Variants in ACTG2 observed in about 807,000 individuals in gnomAD.
ACTG2 encodes the protein actin, gamma-enteric smooth muscle.
In ACTG2, 16 loss-of-function variants were observed where a neutral mutation model predicts 37.6. That is an observed-to-expected ratio of 0.43 (90% CI 0.29 to 0.65). The LOEUF is 0.65. Among genes scored for constraint, ACTG2 ranks in the 30% least tolerant of loss-of-function variants. The pLI, the probability that ACTG2 is intolerant of heterozygous loss-of-function variation, is 0.18. For synonymous variants in ACTG2, 181 were observed against 179.9 expected (o/e 1.01, Z -0.05); for missense variants, 238 against 490.9 (o/e 0.48, Z 4.87).
intron 3 of ACTG2, among the ~76,000 whole-genome samples, chr2:73,906,701 C>T (rs1422051279): frequency 6.6e-6 from 1 of 152,084 alleles, no homozygotes; most frequent in Non-Finnish European, 1.5e-5. Context: ...TGGTCTCCAA[C>T]CCCTGGGCTC....
chr2:73,910,224 G>GTATATATA (rs141216749), intron 5 of ACTG2, among the ~76,000 whole-genome samples: 4 of 149,294 alleles, frequency 2.7e-5, no homozygotes, highest in African/African-American at 7.3e-5. Context: ...CAAAAAATAT[G>GTATATATA]TATATATATA....
intron 3 of ACTG2, among the ~76,000 whole-genome samples, chr2:73,907,846 T>C (rs1680046045): frequency 6.6e-6 from 1 of 152,144 alleles, no homozygotes; most frequent in South Asian, 2.1e-4. Flanking sequence ...AACAAAGAAT[T>C]ATCCAACCTA....
chr2:73,919,490 C>T lies in ACTG2; in HGVS notation c.1046C>T (p.Ser349Phe), dbSNP rs1319306519. The T allele has an allele frequency of 6.2e-7, 1 of 1,614,174 alleles. No individual in the cohort carries two copies. Among genetic ancestry groups the T allele is most frequent in the Non-Finnish European group, 8.5e-7 (1 of 1,180,028 alleles). ...TGGATCGGGGGCTCTATCCTGGCCT[C>T]TCTCTCCACCTTCCAGCAGATGTGG... Reference protein sequence around the residue: ...SVWIGGSILASLSTFQQMWIS... With the variant: ...SVWIGGSILAFLSTFQQMWIS... Residue 349 changes from serine (S) to phenylalanine (F), a missense_variant, in exon 9 of 9, where the codon TCT becomes TTT. Ser to Phe is a radical substitution (Grantham distance 155). Transcript: ENST00000345517.
intron 5 of ACTG2, among the ~76,000 whole-genome samples, chr2:73,911,744 T>C (rs1680144777): frequency 6.6e-6 from 1 of 152,168 alleles, no homozygotes; most frequent in Non-Finnish European, 1.5e-5. Context: ...GGCACCACCA[T>C]TGTGTATGTG....
At chr2:73,909,707 T>C (rs925367484) in intron 5 of ACTG2, among the ~76,000 whole-genome samples, 2 of 152,202 alleles carry the variant, frequency 1.3e-5, no homozygotes, top group Non-Finnish European at 2.9e-5. Flanking sequence ...GCTAAACATA[T>C]TGAAACATAG....
chr2:73,902,214 C>A, intron 2 of ACTG2, 146 bp from the exon 3 acceptor site: 1 of 904,850 alleles, frequency 1.1e-6, no homozygotes, highest in Non-Finnish European at 1.7e-6. Context: ...GGCATCTGCT[C>A]CATCCTGTCT....
intron 1 of ACTG2, among the ~76,000 whole-genome samples, chr2:73,895,503 G>A (rs561674696): frequency 1.5e-4 from 23 of 152,170 alleles, no homozygotes; most frequent in Non-Finnish European, 2.4e-4. Flanking sequence ...TTGTATATAC[G>A]TGTAGGCAAA....
intron 1 of ACTG2, among the ~76,000 whole-genome samples, chr2:73,896,520 G>A (rs887403610): frequency 2.0e-5 from 3 of 152,110 alleles, no homozygotes; most frequent in South Asian, 2.1e-4. Flanking sequence ...AAGGCCCAGG[G>A]AAGGAAGGGA....
chr2:73,917,604 G>T (rs1680297073), intron 8 of ACTG2, among the ~76,000 whole-genome samples: 1 of 152,252 alleles, frequency 6.6e-6, no homozygotes, highest in African/African-American at 2.4e-5. Context: ...CACATTGGTT[G>T]AAAGTTACAA....
At chr2:73,900,570 C>G (rs1469038798) in intron 1 of ACTG2, among the ~76,000 whole-genome samples, 1 of 152,190 alleles carries the variant, frequency 6.6e-6, no homozygotes, top group African/African-American at 2.4e-5. Context: ...GGAGTCCCTT[C>G]TTTTCCTCTC....
chr2:73,911,862 T>C (rs552100497), intron 5 of ACTG2, among the ~76,000 whole-genome samples: 1 of 152,338 alleles, frequency 6.6e-6, no homozygotes, highest in East Asian at 1.9e-4. Context: ...TGGTCTTTAA[T>C]AGGAACTTGA....
At chr2:73,896,611 T>C (rs1339551822) in intron 1 of ACTG2, 2 of 152,290 alleles carry the variant, frequency 1.3e-5, no homozygotes, top group African/African-American at 4.8e-5. Flanking sequence ...AGAGCCAAAC[T>C]TGTCTCCTTT....
intron 6 of ACTG2, among the ~76,000 whole-genome samples, chr2:73,914,445 G>T (rs901268678): frequency 1.6e-4 from 25 of 151,846 alleles, no homozygotes; most frequent in African/African-American, 4.4e-4. Flanking sequence ...TGTAATTCCA[G>T]CTACTTGGGA....
At chr2:73,914,558 CAAAAAAAAAA>C (rs59417466) in intron 6 of ACTG2, 112 bp from the exon 7 acceptor site, 153,875 of 516,040 alleles carry the variant, frequency 0.3, 20,520 homozygotes, top group Middle Eastern at 0.4. Context: ...GACTCTGTCT[CAAAAAAAAAA>C]AAAAAAAAAG....
chr2:73,901,506 G>T, intron 2 of ACTG2, 69 bp downstream of exon 2: 1 of 1,424,694 alleles, frequency 7.0e-7, no homozygotes, highest in Non-Finnish European at 9.3e-7. Flanking sequence ...TGGAGACCCT[G>T]CTGAGCTGGG....
At chr2:73,905,929 AAAGTTT>A (rs1367245163) in intron 3 of ACTG2, among the ~76,000 whole-genome samples, 45 of 152,036 alleles carry the variant, frequency 3.0e-4, no homozygotes, top group Admixed American at 1.4e-3. Context: ...AGCATTTTCA[AAAGTTT>A]AAGTTTATCA....
chr2:73,896,567 G>A (rs1215778768), intron 1 of ACTG2, among the ~76,000 whole-genome samples: 7 of 152,096 alleles, frequency 4.6e-5, no homozygotes, highest in Non-Finnish European at 8.8e-5. Context: ...AGGGAGAAGA[G>A]GGTAAAGGAA....
intron 3 of ACTG2, among the ~76,000 whole-genome samples, chr2:73,905,953 ATATT>A (rs569780746): frequency 9.5e-4 from 145 of 151,886 alleles, no homozygotes; most frequent in African/African-American, 3.2e-3. Context: ...TCAAAAATAA[ATATT>A]TATTATGAAA....
intron 1 of ACTG2, among the ~76,000 whole-genome samples, chr2:73,898,201 G>C (rs1679790996): frequency 6.7e-6 from 1 of 148,924 alleles, no homozygotes; most frequent in East Asian, 2.0e-4. Flanking sequence ...CCCCAAAGTA[G>C]TGACGAAGGC....
Sources: gnomAD v4.1 joint callset for allele counts (sites outside exome capture counted in the v4.1 genomes callset) on GRCh38, gnomAD v4.1.1 for gene constraint, MANE v1.5 for transcripts, NCBI Gene and HGNC (gene_info 2026-07-23, HGNC 2026-07-21) for gene names.